Variants in SLC16A12 observed in about 807,000 individuals in gnomAD.
SLC16A12 encodes the protein monocarboxylate transporter 12.
Under a neutral mutation model 42.4 loss-of-function variants are expected in SLC16A12, and 17 were observed. The ratio of observed to expected loss-of-function variants is 0.40; its 90% CI spans 0.27 to 0.60. SLC16A12 has a LOEUF of 0.60. SLC16A12 is among the 20% of genes least tolerant of loss of function. The pLI, the probability that SLC16A12 is intolerant of heterozygous loss-of-function variation, is 0.42. For missense variants in SLC16A12, 544 were observed against 623.0 expected, an observed-to-expected ratio of 0.87 and a Z score of 1.35; for synonymous variants, 224 against 229.4, an observed-to-expected ratio of 0.98 and a Z score of 0.21.
At chr10:89,481,660 T>TGAGAGA (rs1425435931) in intron 2 of SLC16A12, among the ~76,000 whole-genome samples, 1 of 141,168 alleles carries the variant, frequency 7.1e-6, no homozygotes, top group Non-Finnish European at 1.5e-5. Flanking sequence ...TGTGTGTGTG[T>TGAGAGA]GTGTGAGAGA....
intron 3 of SLC16A12, among the ~76,000 whole-genome samples, chr10:89,458,990 C>G (rs1472458405): frequency 1.3e-5 from 2 of 152,028 alleles, no homozygotes; most frequent in Non-Finnish European, 2.9e-5. Flanking sequence ...GAGGGGCAAG[C>G]CTAAGAAGTT....
At chr10:89,521,046 C>A (rs541669172) in intron 2 of SLC16A12, among the ~76,000 whole-genome samples, 4 of 152,302 alleles carry the variant, frequency 2.6e-5, no homozygotes, top group African/African-American at 9.6e-5. Flanking sequence ...TGCTTTCAAT[C>A]CCTGCAATGG....
intron 3 of SLC16A12, among the ~76,000 whole-genome samples, chr10:89,445,693 C>A (rs1324647205): frequency 3.9e-5 from 6 of 152,174 alleles, no homozygotes; most frequent in Admixed American, 6.5e-5. Context: ...TGGAGCACTT[C>A]TTCTCCTCCA....
chr10:89,458,012 C>T (rs1324851106), intron 3 of SLC16A12, among the ~76,000 whole-genome samples: 2 of 152,142 alleles, frequency 1.3e-5, no homozygotes, highest in African/African-American at 4.8e-5. Context: ...GTGTGGATGT[C>T]CTGGGTTCTG....
At chr10:89,508,408 T>C (rs1253087958) in intron 2 of SLC16A12, among the ~76,000 whole-genome samples, 3 of 152,140 alleles carry the variant, frequency 2.0e-5, no homozygotes, top group Admixed American at 1.3e-4. Flanking sequence ...AAATTAGAAC[T>C]CAGGATTAAG....
At chr10:89,519,878 G>T in intron 2 of SLC16A12, among the ~76,000 whole-genome samples, 1 of 152,140 alleles carries the variant, frequency 6.6e-6, no homozygotes, top group Middle Eastern at 3.2e-3. Flanking sequence ...ACTTTGGGAG[G>T]CTGAGGCGGG....
At chr10:89,541,472 C>T (rs1295518583) in intron 2 of SLC16A12, among the ~76,000 whole-genome samples, 1 of 152,240 alleles carries the variant, frequency 6.6e-6, no homozygotes, top group East Asian at 1.9e-4. Flanking sequence ...TGGTGAGCAC[C>T]TGTAACCCCA....
intron 2 of SLC16A12, among the ~76,000 whole-genome samples, chr10:89,504,470 C>A (rs1203910150): frequency 6.6e-6 from 1 of 152,132 alleles, no homozygotes; most frequent in African/African-American, 2.4e-5. Context: ...TTATTGTACC[C>A]TGGACAACCC....
At chr10:89,461,361 T>A (rs1035199673) in intron 3 of SLC16A12, among the ~76,000 whole-genome samples, 30 of 152,244 alleles carry the variant, frequency 2.0e-4, no homozygotes, top group African/African-American at 6.7e-4. Context: ...AAATTCTAGG[T>A]TTTAAGCTTC....
chr10:89,489,366 G>T (rs1267354956), intron 2 of SLC16A12, among the ~76,000 whole-genome samples: 1 of 151,788 alleles, frequency 6.6e-6, no homozygotes, highest in Non-Finnish European at 1.5e-5. Flanking sequence ...TTGAGACAGG[G>T]TCTCACTCTG....
intron 2 of SLC16A12, among the ~76,000 whole-genome samples, chr10:89,552,060 T>C (rs1200614465): frequency 6.6e-6 from 1 of 152,130 alleles, no homozygotes; most frequent in East Asian, 1.9e-4. Context: ...CTCAGCCTCC[T>C]GAGTAGCTAG....
chr10:89,443,313 T>C (rs938951899), intron 4 of SLC16A12, among the ~76,000 whole-genome samples: 9 of 152,228 alleles, frequency 5.9e-5, no homozygotes, highest in Non-Finnish European at 8.8e-5. Context: ...TGAGATGTGA[T>C]ACAACACTGT....
At chr10:89,512,048 T>A (rs1209099404) in intron 2 of SLC16A12, among the ~76,000 whole-genome samples, 1 of 152,146 alleles carries the variant, frequency 6.6e-6, no homozygotes, top group Non-Finnish European at 1.5e-5. Context: ...AAAAAGCTAG[T>A]CACAAAACTA....
At chr10:89,494,183 T>G (rs303176) in intron 2 of SLC16A12, among the ~76,000 whole-genome samples, 4,225 of 152,178 alleles carry the variant, frequency 0.028, 89 homozygotes, top group Non-Finnish European at 0.043. Flanking sequence ...AAGAAACCCA[T>G]TGGTCCAGCA....
At position 89,433,159 on chromosome 10, in the gene SLC16A12, T is replaced by C. The variant is rs781256930; in HGVS notation, c.1456A>G (p.Thr486Ala). ...ACAGAATAAGCCACTGATCCATTGG[T>C]CCATAGCTGCAGCTTAGGATCAGAT... ...KESDPKLQLW[T>A]NGSVAYSVAR... The change falls in exon 8 of 8, where the codon ACC (threonine) becomes GCC (alanine). Residue 486 changes from threonine (T) to alanine (A), a missense_variant. Physicochemically the swap from Thr to Ala is moderately conservative, Grantham distance 58. Coordinates refer to ENST00000371790, the MANE Select transcript of SLC16A12 (RefSeq NM_213606.4). 2.2e-5 allele frequency: 36 copies of C among 1,614,062 alleles called. No individual in the cohort carries two copies. The highest frequency in any genetic ancestry group is 3.1e-5 in the Non-Finnish European group (36 of 1,180,042).
chr10:89,478,881 C>T (rs1467118092), intron 2 of SLC16A12, among the ~76,000 whole-genome samples: 1 of 152,222 alleles, frequency 6.6e-6, no homozygotes, highest in Non-Finnish European at 1.5e-5. Context: ...TATCCCAACT[C>T]TCATTACAAG....
At chr10:89,534,693 G>A (rs1218248440) in intron 1 of SLC16A12, 53 bp from the exon 2 acceptor site, 2 of 150,576 alleles carry the variant, frequency 1.3e-5, no homozygotes, top group Non-Finnish European at 2.9e-5. Flanking sequence ...GCCGGGCGTG[G>A]TGGCGCGCAC....
chr10:89,443,108 C>T (rs1201780829), intron 4 of SLC16A12, among the ~76,000 whole-genome samples: 4 of 152,168 alleles, frequency 2.6e-5, no homozygotes, highest in Non-Finnish European at 5.9e-5. Flanking sequence ...TTCTAGAACA[C>T]CCTACATACC....
intron 3 of SLC16A12, among the ~76,000 whole-genome samples, chr10:89,447,102 C>T (rs530175287): frequency 6.6e-6 from 1 of 152,292 alleles, no homozygotes; most frequent in East Asian, 1.9e-4. Flanking sequence ...CACCCAAATT[C>T]ATAAAGCAAG....
Sources: allele counts gnomAD v4.1 joint callset (sites outside exome capture counted in the v4.1 genomes callset), GRCh38; gene constraint gnomAD v4.1.1; transcripts MANE v1.5; gene names NCBI Gene and HGNC (gene_info 2026-07-23, HGNC 2026-07-21).